CNTN5: variants seen among roughly 807,000 people sequenced by gnomAD.
The protein encoded by CNTN5 is contactin-5.
Under a neutral mutation model 129.1 loss-of-function variants are expected in CNTN5, and 77 were observed. The ratio of observed to expected loss-of-function variants is 0.60; its 90% CI spans 0.50 to 0.72. The LOEUF (loss-of-function observed/expected upper bound fraction) is 0.72. CNTN5 is among the 30% of genes least tolerant of loss of function. The pLI is 0.00. For synonymous variants in CNTN5, 509 were observed against 465.6 expected (o/e 1.09, Z -1.20); for missense variants, 1,478 against 1,328.8 (o/e 1.11, Z -1.75).
intron 1 of CNTN5, among the ~76,000 whole-genome samples, chr11:99,077,772 G>A (rs1332571605): frequency 6.6e-6 from 1 of 152,050 alleles, no homozygotes; most frequent in Non-Finnish European, 1.5e-5. Flanking sequence ...GTTTATAAGG[G>A]GCACTTCCCC....
At chr11:99,035,810 A>G (rs1863691225) in intron 1 of CNTN5, among the ~76,000 whole-genome samples, 2 of 148,662 alleles carry the variant, frequency 1.3e-5, no homozygotes, top group South Asian at 2.1e-4. Flanking sequence ...TGATCCTGTC[A>G]TTATGATGTT....
intron 3 of CNTN5, among the ~76,000 whole-genome samples, chr11:99,800,008 C>A (rs1946064788): frequency 6.6e-6 from 1 of 151,922 alleles, no homozygotes; most frequent in African/African-American, 2.4e-5. Context: ...TATGCATTCC[C>A]TCTAGGTTTT....
intron 2 of CNTN5, among the ~76,000 whole-genome samples, chr11:99,405,606 C>CTTTGGTG (rs1942037568): frequency 3.0e-3 from 1 of 330 alleles, no homozygotes; most frequent in African/African-American, 3.6e-3. Flanking sequence ...TTCTGAATTC[C>CTTTGGTG]TGGCCGGGCG....
intron 13 of CNTN5, among the ~76,000 whole-genome samples, chr11:100,121,221 G>A (rs972003917): frequency 3.9e-5 from 6 of 151,960 alleles, no homozygotes; most frequent in South Asian, 2.1e-4. Context: ...TTGAAAAGGA[G>A]CAATAAATTA....
At chr11:99,688,158 CAG>C (rs778680207) in intron 3 of CNTN5, among the ~76,000 whole-genome samples, 17 of 152,116 alleles carry the variant, frequency 1.1e-4, no homozygotes, top group Non-Finnish European at 1.0e-4. Context: ...TTAAAGGAAA[CAG>C]AGTAGTCATA....
At chr11:99,515,949 G>GAAA (rs35512504) in intron 2 of CNTN5, among the ~76,000 whole-genome samples, 1 of 143,844 alleles carries the variant, frequency 7.0e-6, no homozygotes, top group Non-Finnish European at 1.5e-5. Context: ...ATAATTTTAT[G>GAAA]AAAAAAAAAA....
At chr11:99,313,059 G>A (rs1865183478) in intron 1 of CNTN5, among the ~76,000 whole-genome samples, 1 of 151,388 alleles carries the variant, frequency 6.6e-6, no homozygotes, top group Admixed American at 6.6e-5. Flanking sequence ...ATCGTATATA[G>A]ACAGATTAGC....
intron 3 of CNTN5, among the ~76,000 whole-genome samples, chr11:99,608,476 G>A (rs1050038910): frequency 7.9e-5 from 12 of 152,136 alleles, no homozygotes; most frequent in African/African-American, 2.2e-4. Flanking sequence ...CTTTACAGAG[G>A]TAATCAATGT....
chr11:99,055,851 T>G (rs542313783), intron 1 of CNTN5, among the ~76,000 whole-genome samples: 3 of 152,114 alleles, frequency 2.0e-5, no homozygotes, highest in South Asian at 4.1e-4. Flanking sequence ...CTGAATGCAT[T>G]TTTGCCTTCA....
intron 3 of CNTN5, among the ~76,000 whole-genome samples, chr11:99,648,913 C>A (rs190435377): frequency 7.3e-5 from 11 of 151,564 alleles, no homozygotes; most frequent in Admixed American, 2.0e-4. Flanking sequence ...TAGGAAGAAG[C>A]AGGGAGGGGG....
At chr11:99,670,829 C>T (rs982073029) in intron 3 of CNTN5, among the ~76,000 whole-genome samples, 6 of 152,128 alleles carry the variant, frequency 3.9e-5, no homozygotes, top group African/African-American at 1.4e-4. Flanking sequence ...TTTGAACTCT[C>T]TGTGTTACTG....
chr11:99,640,915 G>T (rs1455026008), intron 3 of CNTN5, among the ~76,000 whole-genome samples: 2 of 152,102 alleles, frequency 1.3e-5, no homozygotes, highest in African/African-American at 4.8e-5. Flanking sequence ...TCAAAGATTT[G>T]GTCTCTTTTT....
intron 2 of CNTN5, among the ~76,000 whole-genome samples, chr11:99,350,177 G>C (rs1007127983): frequency 6.6e-6 from 1 of 152,090 alleles, no homozygotes; most frequent in Admixed American, 6.6e-5. Flanking sequence ...GGTGACTGAT[G>C]TACTTTCCCT....
chr11:99,935,501 G>A (rs1458362297), intron 7 of CNTN5, among the ~76,000 whole-genome samples: 1 of 151,638 alleles, frequency 6.6e-6, no homozygotes. Flanking sequence ...AAATTTGAGG[G>A]CATTTTCAAA....
intron 3 of CNTN5, among the ~76,000 whole-genome samples, chr11:99,710,613 G>A (rs1274964797): frequency 6.7e-6 from 1 of 150,094 alleles, no homozygotes; most frequent in Non-Finnish European, 1.5e-5. Context: ...ATGTATGTAT[G>A]TATGTTTGAG....
At chr11:99,130,500 C>T (rs1220069954) in intron 1 of CNTN5, among the ~76,000 whole-genome samples, 2 of 152,056 alleles carry the variant, frequency 1.3e-5, no homozygotes, top group East Asian at 3.9e-4. Context: ...ATTTAGACCC[C>T]CACACGATAA....
intron 2 of CNTN5, among the ~76,000 whole-genome samples, chr11:99,366,304 C>A (rs1159907021): frequency 1.3e-5 from 2 of 152,082 alleles, no homozygotes; most frequent in African/African-American, 2.4e-5. Flanking sequence ...ACCTTCACAC[C>A]CCTTCATTCC....
intron 3 of CNTN5, among the ~76,000 whole-genome samples, chr11:99,608,766 T>G (rs1950509556): frequency 6.6e-6 from 1 of 152,178 alleles, no homozygotes; most frequent in Non-Finnish European, 1.5e-5. Flanking sequence ...GCAGTAAACT[T>G]AATCATCTAG....
chr11:99,530,552 A>G (rs1947660654), intron 2 of CNTN5, among the ~76,000 whole-genome samples: 1 of 152,218 alleles, frequency 6.6e-6, no homozygotes, highest in South Asian at 2.1e-4. Context: ...TGAGCATTAA[A>G]GGAATAATTA....
Sources: gnomAD v4.1 joint callset for allele counts (sites outside exome capture counted in the v4.1 genomes callset) on GRCh38, gnomAD v4.1.1 for gene constraint, MANE v1.5 for transcripts, NCBI Gene and HGNC (gene_info 2026-07-23, HGNC 2026-07-21) for gene names.